Variants in TPPP2 observed in about 807,000 individuals in gnomAD.
TPPP2 encodes tubulin polymerization-promoting protein family member 2.
Under a neutral mutation model 13.0 loss-of-function variants are expected in TPPP2, and 8 were observed. That is an observed-to-expected ratio of 0.62 (90% CI 0.36 to 1.11). TPPP2 has a LOEUF of 1.11. Among genes scored for constraint, TPPP2 ranks in the 50% most tolerant of loss-of-function variants. The probability of loss-of-function intolerance (pLI) is 0.02; values close to 1 mark genes in which losing one functional copy is unlikely to be tolerated. For synonymous variants in TPPP2, 81 were observed against 81.8 expected, an observed-to-expected ratio of 0.99 and a Z score of 0.05; for missense variants, 213 against 216.9, an observed-to-expected ratio of 0.98 and a Z score of 0.11.
At chr14:21,035,136 C>T (rs1284779688), downstream of TPPP2, among the ~76,000 whole-genome samples, 3 of 152,218 alleles carry the variant, frequency 2.0e-5, no homozygotes, top group Admixed American at 2.0e-4. Context: ...CACCAAAGTG[C>T]TGGGCTGAGA....
At chr14:21,025,800 G>A (rs957902639), upstream of TPPP2, 17 of 792,268 alleles carry the variant, frequency 2.1e-5, no homozygotes, top group Non-Finnish European at 2.4e-5. The surrounding 1 kb of genome is among the most constrained non-coding windows in gnomAD (Gnocchi z 5.1). Context: ...GCGATCGCGG[G>A]CAGGCGGGGG....
At position 21,030,718 on chromosome 14, in the gene TPPP2, C is replaced by A. The variant is rs755401379; in HGVS notation, c.137C>A (p.Thr46Asn). Residue 46 changes from threonine (T) to asparagine (N), a missense_variant, in exon 2 of 4, where the codon ACC (threonine) becomes AAC (asparagine). Thr to Asn is a moderately conservative substitution (Grantham distance 65). Coordinates refer to ENST00000321760, the MANE Select transcript of TPPP2 (RefSeq NM_173846.5). ...DCGIMDGKTVTSTDVDIVFSK... is the reference protein window; with the variant it reads ...DCGIMDGKTVNSTDVDIVFSK... ...GGCATCATGGATGGCAAGACAGTCA[C>A]CTCCACGGACGTGGACATCGTGTTC... 1.9e-6 allele frequency: 3 copies of A among 1,614,174 alleles called. No individual in the cohort carries two copies. The East Asian group carries it at 6.7e-5, about 36-fold the overall frequency.
At chr14:21,034,588 A>G (rs555591359), downstream of TPPP2, 1 of 333,448 alleles carries the variant, frequency 3.0e-6, no homozygotes, top group South Asian at 9.3e-5. Context: ...GACTCTTCCC[A>G]AGAGTCCTTG....
At chr14:21,029,325 A>T (rs1469760292), upstream of TPPP2, 1 of 152,230 alleles carries the variant, frequency 6.6e-6, no homozygotes, top group Non-Finnish European at 1.5e-5. Context: ...TCCCGGCTGG[A>T]CGCAGTGGGT....
downstream of TPPP2, chr14:21,036,180 T>A (rs571198187): frequency 2.2e-6 from 1 of 456,318 alleles, no homozygotes; most frequent in East Asian, 6.9e-5. Context: ...CCATTCTTAT[T>A]TCTTCCTCAG....
rs1883161799 is a variant in TPPP2, at chr14:21,025,058, A to C, written n.236+714A>C. ...TGCCGCCGCGGCCGCTTCCACCTTC[A>C]CTTGCCTTTGACTCGGGCCCGCCCC... is the stretch of plus-strand genomic sequence containing the variant. On this transcript the variant is annotated intron_variant and non_coding_transcript_variant, in intron 1 of 1. Coordinates refer to the TPPP2 transcript ENST00000533755. This position sits in a 1 kb window ranked among gnomAD's most constrained non-coding sequence, Gnocchi z 5.1. The C allele has an allele frequency of 6.1e-6, 6 of 981,206 alleles. No homozygotes were observed. Among genetic ancestry groups the C allele is most frequent in the South Asian group, 4.7e-5 (1 of 21,096 alleles). 60.8% of individuals were successfully genotyped at this position (981,206 alleles called of 1,614,324 possible).
downstream of TPPP2, chr14:21,034,287 A>C (rs770207237): frequency 5.7e-5 from 92 of 1,607,040 alleles, 1 homozygote; most frequent in South Asian, 9.2e-4. Context: ...AGCTGGTGCC[A>C]TTCCTCCTGC....
chr14:21,026,094 C>T (rs1008090237), upstream of TPPP2, among the ~76,000 whole-genome samples: 1 of 152,036 alleles, frequency 6.6e-6, no homozygotes, highest in Non-Finnish European at 1.5e-5. Context: ...GGGTCTGCCG[C>T]GTCCCTCTCG....
chr14:21,035,209 G>A (rs1399788578), downstream of TPPP2, among the ~76,000 whole-genome samples: 1 of 152,176 alleles, frequency 6.6e-6, no homozygotes, highest in Admixed American at 6.5e-5. Context: ...CACACCCACA[G>A]CCTTCACCTG....
chr14:21,031,725 A>G (rs1243461), intron 3 of TPPP2, among the ~76,000 whole-genome samples, 167 bp from the exon 4 acceptor site: 65,394 of 151,934 alleles, frequency 0.43, 15,074 homozygotes, highest in East Asian at 0.7. Flanking sequence ...GGCTCTTACC[A>G]GAGTACCTGC....
At position 21,025,195 on chromosome 14, in the gene TPPP2, C is replaced by T. The variant is rs1039042221; in HGVS notation, n.236+851C>T. 1 of 878,586 alleles carries T rather than the reference C, an allele frequency of 1.1e-6. No individual in the cohort carries two copies. The highest frequency in any genetic ancestry group is 1.4e-6 in the Non-Finnish European group (1 of 732,408). 54.4% of individuals were successfully genotyped at this position (878,586 alleles called of 1,614,324 possible). ...AGTAAACACGCCCCCCCTTTCACCC[C>T]GCCCAGACTGCCGCTCAGGAAAGGG... is the stretch of plus-strand genomic sequence containing the variant. On this transcript the variant is annotated intron_variant and non_coding_transcript_variant, in intron 1 of 1. Transcript: ENST00000533755. This position sits in a 1 kb window ranked among gnomAD's most constrained non-coding sequence, Gnocchi z 5.1.
chr14:21,031,427 C>T (rs1884127842), intron 3 of TPPP2: 1 of 485,634 alleles, frequency 2.1e-6, no homozygotes, highest in East Asian at 3.2e-5. Context: ...GGCTTGGTAG[C>T]TTTTGGAGGA....
At chr14:21,033,584 A>C, downstream of TPPP2, 1 of 569,110 alleles carries the variant, frequency 1.8e-6, no homozygotes, top group Non-Finnish European at 3.2e-6. Flanking sequence ...TGGGAGAGGA[A>C]GGATGATGAG....
rs942978200 is a variant in TPPP2, at chr14:21,025,185, C to A, written n.236+841C>A. 692 of 893,814 alleles carry A rather than the reference C, an allele frequency of 7.7e-4. No individual in the cohort carries two copies. The highest frequency in any genetic ancestry group is 8.7e-4 in the Non-Finnish European group (652 of 746,146). 55.4% of individuals were successfully genotyped at this position (893,814 alleles called of 1,614,324 possible). A position where few individuals can be genotyped will look rare whatever the true frequency, so the allele number is the denominator to read the frequency against. ...CCAGACCCCCAGTAAACACGCCCCCCCTTTCACCCCGCCCAGACTGCCGCT... is the reference window on the plus strand; with the variant it reads ...CCAGACCCCCAGTAAACACGCCCCCACTTTCACCCCGCCCAGACTGCCGCT... On this transcript the variant is annotated intron_variant and non_coding_transcript_variant, in intron 1 of 1. Coordinates refer to the TPPP2 transcript ENST00000533755. This position sits in a 1 kb window ranked among gnomAD's most constrained non-coding sequence, Gnocchi z 5.1.
upstream of TPPP2, among the ~76,000 whole-genome samples, chr14:21,026,674 A>G (rs1304400132): frequency 6.6e-6 from 1 of 151,732 alleles, no homozygotes; most frequent in Non-Finnish European, 1.5e-5. Context: ...CAACAACCCC[A>G]AATCTAAGGA....
intron 1 of TPPP2, 88 bp from the exon 2 acceptor site, chr14:21,030,424 AG>A: frequency 1.4e-6 from 1 of 719,176 alleles, no homozygotes. Flanking sequence ...GGGAGCTGGG[AG>A]GGAGAAAGGA....
rs777195711 is a variant in TPPP2 at position 21,031,176 on chromosome 14, G to A, written c.327+11G>A. On this transcript the variant is annotated intron_variant, in intron 3 of 3. Coordinates refer to ENST00000321760, the MANE Select transcript of TPPP2 (RefSeq NM_173846.5). ...ACCACTGGCGCTACTGTGAGTGACA[G>A]CCTTCATCCCCTTGACCCTACTTCC... is the stretch of plus-strand genomic sequence containing the variant. The A allele has an allele frequency of 6.2e-7, 1 of 1,612,440 alleles. No homozygotes were observed. Among genetic ancestry groups the A allele is most frequent in the East Asian group, 2.2e-5 (1 of 44,862 alleles).
At chr14:21,027,575 C>T (rs1053214562), upstream of TPPP2, among the ~76,000 whole-genome samples, 23 of 152,196 alleles carry the variant, frequency 1.5e-4, no homozygotes, top group Non-Finnish European at 3.2e-4. Context: ...GGTATAGTAT[C>T]CCCTGATGGA....
intron 3 of TPPP2, among the ~76,000 whole-genome samples, 198 bp from the exon 4 acceptor site, chr14:21,031,691 ACTC>A (rs1219936343): frequency 6.6e-6 from 1 of 150,472 alleles, no homozygotes; most frequent in Non-Finnish European, 1.5e-5. Flanking sequence ...CCCACACCAC[ACTC>A]CTCCTCCCCC....
Sources: gnomAD v4.1 joint callset for allele counts (sites outside exome capture counted in the v4.1 genomes callset) on GRCh38, gnomAD v4.1.1 for gene constraint, Gnocchi (gnomAD v3.1) non-coding constraint, MANE v1.5 for transcripts, NCBI Gene and HGNC (gene_info 2026-07-23, HGNC 2026-07-21) for gene names.